The following TEC variants were observed in gnomAD, a reference collection of about 807,000 sequenced individuals.
TEC encodes tec protein tyrosine kinase, also known as tyrosine-protein kinase Tec.
A neutral mutation model predicts 93.0 loss-of-function variants in TEC; 72 were observed. The ratio of observed to expected loss-of-function variants is 0.77; its 90% CI spans 0.64 to 0.94. TEC has a LOEUF of 0.94. Among genes scored for constraint, TEC ranks in the 40% least tolerant of loss-of-function variants. The pLI, the probability that TEC is intolerant of heterozygous loss-of-function variation, is 0.00. For missense variants in TEC, 630 were observed against 757.9 expected (o/e 0.83, Z 1.98); for synonymous variants, 249 against 247.7 (o/e 1.01, Z -0.05).
intron 8 of TEC, among the ~76,000 whole-genome samples, chr4:48,160,400 C>T (rs1009155702): frequency 2.0e-5 from 3 of 152,052 alleles, no homozygotes; most frequent in African/African-American, 7.2e-5. Flanking sequence ...CGCAGCAGTC[C>T]AGAGACAGGA....
At chr4:48,192,079 T>C (rs1241396316) in intron 2 of TEC, among the ~76,000 whole-genome samples, 1 of 152,220 alleles carries the variant, frequency 6.6e-6, no homozygotes, top group East Asian at 1.9e-4. Flanking sequence ...AGTGGCTTTA[T>C]TTATAATAGC....
Position 48,206,777 on chromosome 4 carries a change from CAAAA to C in TEC, c.138+21696_138+21699del, listed in dbSNP as rs34761710. On this transcript the variant is annotated intron_variant, in intron 2 of 17. Transcript: ENST00000381501. The stretch of plus-strand genomic sequence containing the variant: ...GCAATATAAGGAGACCTCGTTGCTA[CAAAA>C]AAAAAAAAAAAAAAAAAAATGAAAA... Among the ~76,000 whole-genome samples the C allele has an allele frequency of 7.4e-3, 662 of 89,196 alleles. 6 individuals carry two copies. Among genetic ancestry groups the C allele is most frequent in the African/African-American group, 0.023 (595 of 25,958 alleles). The allele number at this position is 89,196 out of a possible 152,430, so 58.5% of individuals were successfully genotyped here. A position where few individuals can be genotyped will look rare whatever the true frequency, so the allele number is the denominator to read the frequency against.
chr4:48,264,919 G>A (rs6835363), intron 1 of TEC, among the ~76,000 whole-genome samples: 17,478 of 152,084 alleles, frequency 0.11, 1,122 homozygotes, highest in East Asian at 0.24. Flanking sequence ...GATTACAGGC[G>A]TGAGCCACCC....
intron 2 of TEC, among the ~76,000 whole-genome samples, chr4:48,186,693 G>A (rs1721874272): frequency 6.6e-6 from 1 of 150,592 alleles, no homozygotes; most frequent in African/African-American, 2.5e-5. Context: ...GAGCCCCTCC[G>A]CCCGGCAGCC....
At chr4:48,200,136 A>G (rs1577629717) in intron 2 of TEC, among the ~76,000 whole-genome samples, 1 of 152,248 alleles carries the variant, frequency 6.6e-6, no homozygotes, top group Admixed American at 6.5e-5. Context: ...GTAATAGTTA[A>G]GCTGAAACCT....
At chr4:48,166,636 C>G (rs1433192737) in intron 7 of TEC, among the ~76,000 whole-genome samples, 1 of 150,452 alleles carries the variant, frequency 6.6e-6, no homozygotes, top group Non-Finnish European at 1.5e-5. Flanking sequence ...TTTTTGAAGT[C>G]AAGCAAAAAG....
At chr4:48,186,705 C>T (rs1197163631) in intron 2 of TEC, among the ~76,000 whole-genome samples, 3 of 151,796 alleles carry the variant, frequency 2.0e-5, no homozygotes, top group South Asian at 2.1e-4. Context: ...CCGGCAGCCG[C>T]CCCGTCCAGG....
chr4:48,253,612 C>T (rs1724265722), intron 1 of TEC, among the ~76,000 whole-genome samples: 1 of 139,358 alleles, frequency 7.2e-6, no homozygotes, highest in Middle Eastern at 4.2e-3. Context: ...CGCTCTGTTG[C>T]CCAGGCTGGA....
intron 12 of TEC, among the ~76,000 whole-genome samples, 155 bp from the exon 13 acceptor site, chr4:48,145,734 G>A (rs1365775333): frequency 6.6e-6 from 1 of 152,200 alleles, no homozygotes; most frequent in Non-Finnish European, 1.5e-5. Context: ...CTTGAAACCT[G>A]CATCTGAACT....
At chr4:48,230,178 C>T (rs989706434) in intron 1 of TEC, among the ~76,000 whole-genome samples, 9 of 152,224 alleles carry the variant, frequency 5.9e-5, no homozygotes, top group African/African-American at 1.2e-4. Flanking sequence ...TCAGACAGCA[C>T]GGCCGGTGAC....
At chr4:48,197,900 G>A (rs1027086261) in intron 2 of TEC, among the ~76,000 whole-genome samples, 5 of 152,018 alleles carry the variant, frequency 3.3e-5, no homozygotes, top group South Asian at 2.1e-4. Flanking sequence ...CCACTTTATC[G>A]AAGCTTCCCT....
chr4:48,138,722 G>T lies in TEC; in HGVS notation c.1755C>A (p.Tyr585Ter). 1 of 1,614,182 alleles carries T rather than the reference G, an allele frequency of 6.2e-7. No individual in the cohort carries two copies. The highest frequency in any genetic ancestry group is 8.5e-7 in the Non-Finnish European group (1 of 1,180,034). The change falls in exon 17 of 18, where the codon TAC (tyrosine) becomes TAA (stop). Residue 585 changes from tyrosine (Y) to a stop codon, truncating the protein, a stop_gained. Transcript: ENST00000381501. LOFTEE classifies it high-confidence loss of function. The stretch of plus-strand genomic sequence containing the variant: ...CATAGTTGGACGCCAACTTCGGCTG[G>T]TAGAGTCGGTGGCCTCGAGTAACCA... Reference protein sequence around the residue: ...VTMVTRGHRLYQPKLASNYVY... With the variant: ...VTMVTRGHRL
At chr4:48,245,651 T>C (rs1240024588) in intron 1 of TEC, among the ~76,000 whole-genome samples, 2 of 152,212 alleles carry the variant, frequency 1.3e-5, no homozygotes, top group African/African-American at 4.8e-5. Context: ...AGATGGCACT[T>C]TGACAGGTAC....
At chr4:48,222,743 C>T (rs1438386007) in intron 2 of TEC, among the ~76,000 whole-genome samples, 1 of 152,150 alleles carries the variant, frequency 6.6e-6, no homozygotes, top group Non-Finnish European at 1.5e-5. Flanking sequence ...GGATTCACAT[C>T]ACTGGCTGTC....
chr4:48,212,110 A>AAAAATATATATATATAT, intron 2 of TEC, among the ~76,000 whole-genome samples: 15 of 122,242 alleles, frequency 1.2e-4, no homozygotes, highest in African/African-American at 4.2e-4. Context: ...AAAAAAAAAA[A>AAAAATATATATATATAT]ATATATATAT....
intron 2 of TEC, among the ~76,000 whole-genome samples, chr4:48,182,809 A>T (rs533872516): frequency 1.1e-4 from 17 of 152,292 alleles, no homozygotes; most frequent in Non-Finnish European, 2.2e-4. Context: ...TTAATAATAC[A>T]AATATCCATC....
intron 1 of TEC, among the ~76,000 whole-genome samples, chr4:48,249,715 C>T (rs915272875): frequency 6.6e-6 from 1 of 152,216 alleles, no homozygotes; most frequent in Non-Finnish European, 1.5e-5. Context: ...GCTGAAATGT[C>T]TCAGATTACT....
chr4:48,140,297 G>A (rs907234190), intron 15 of TEC, among the ~76,000 whole-genome samples: 7 of 152,170 alleles, frequency 4.6e-5, no homozygotes, highest in African/African-American at 1.4e-4. Flanking sequence ...CAGGCCAGAC[G>A]TGTCCCAGAC....
rs760242945 is a variant in TEC, at chr4:48,170,369, C to T, written c.333G>A (p.Lys111=). 4.3e-6 allele frequency: 6 copies of T among 1,395,070 alleles called. No individual in the cohort carries two copies. The highest frequency in any genetic ancestry group is 6.0e-6 in the Non-Finnish European group (6 of 995,218). The allele number at this position is 1,395,070 out of a possible 1,614,324, so 86.4% of individuals were successfully genotyped here. ...ATTTAATCATAATATTATTGTTGTT[C>T]TTTATTTCTGTAATTCACAGATATA... The part of the protein sequence containing the change: ...LWVKKLKEEI[K]NNNNIMIKYH... The change falls in exon 5 of 18, where the codon AAG becomes AAA. Residue 111 remains lysine (K), a synonymous_variant. Coordinates refer to ENST00000381501, the MANE Select transcript of TEC (RefSeq NM_003215.3).
Sources: allele counts gnomAD v4.1 joint callset (sites outside exome capture counted in the v4.1 genomes callset), GRCh38; gene constraint gnomAD v4.1.1; transcripts MANE v1.5; gene names NCBI Gene and HGNC (gene_info 2026-07-23, HGNC 2026-07-21).